Variants in ATP5PO observed in about 807,000 individuals in gnomAD.
The protein encoded by ATP5PO is ATP synthase peripheral stalk subunit OSCP, mitochondrial.
Under a neutral mutation model 26.2 loss-of-function variants are expected in ATP5PO, and 14 were observed. The ratio of observed to expected loss-of-function variants is 0.53; its 90% CI spans 0.35 to 0.83. ATP5PO has a LOEUF of 0.83. Ranked by LOEUF, ATP5PO falls within the 40% of genes least tolerant of loss-of-function variation. The pLI, the probability that ATP5PO is intolerant of heterozygous loss-of-function variation, is 0.01. For missense variants in ATP5PO, 241 were observed against 258.5 expected (o/e 0.93, Z 0.46); for synonymous variants, 106 against 95.1 (o/e 1.12, Z -0.67).
intron 3 of ATP5PO, among the ~76,000 whole-genome samples, 175 bp from the exon 4 acceptor site, chr21:33,909,386 T>A (rs2148606453): frequency 6.6e-6 from 1 of 152,256 alleles, no homozygotes; most frequent in African/African-American, 2.4e-5. Flanking sequence ...TTCAAGCGAT[T>A]ATCCTGCCTC....
rs561846203 is a variant in ATP5PO at position 33,911,839 on chromosome 21, A to AT, written c.198+449dup. ...CTACCACGTCCCGCTAATTTTTTGT[A>AT]TTTTTTAGTAGAGATGGGGTTTCAC... On this transcript the variant is annotated intron_variant, in intron 3 of 6. Transcript: ENST00000290299. Among the ~76,000 whole-genome samples the AT allele has an allele frequency of 4.2e-3, 633 of 151,550 alleles. 5 individuals are homozygous for AT. Among genetic ancestry groups the AT allele is most frequent in the African/African-American group, 0.015 (601 of 41,310 alleles).
chr21:33,906,843 T>G (rs1191937629), intron 5 of ATP5PO: 3 of 447,838 alleles, frequency 6.7e-6, no homozygotes, highest in Non-Finnish European at 9.0e-6. Context: ...ACACAAAAAT[T>G]AGCCGGGTGT....
chr21:33,914,382 G>T, intron 2 of ATP5PO, 68 bp downstream of exon 2: 1 of 1,490,028 alleles, frequency 6.7e-7, no homozygotes, highest in South Asian at 1.2e-5. Flanking sequence ...TCCACGCCCT[G>T]ACTGTACTGC....
At chr21:33,915,560 G>C in intron 1 of ATP5PO, 168 bp downstream of exon 1, 1 of 1,052,756 alleles carries the variant, frequency 9.5e-7, no homozygotes, top group South Asian at 1.6e-5. Flanking sequence ...AGGCATCCCG[G>C]GGGACAAACG....
chr21:33,906,647 G>T (rs936737907), intron 5 of ATP5PO: 2 of 455,932 alleles, frequency 4.4e-6, no homozygotes, highest in Non-Finnish European at 8.8e-6. Flanking sequence ...AAGGCCCAAC[G>T]GCTCTACTCC....
intron 4 of ATP5PO, chr21:33,908,814 C>T (rs143592701): frequency 2.1e-4 from 71 of 333,460 alleles, no homozygotes; most frequent in African/African-American, 1.4e-3. Context: ...TCACACTGGC[C>T]GCCTCCACAG....
Position 33,914,595 on chromosome 21 carries a change from AAT to A in ATP5PO, c.37-97_37-96del, listed in dbSNP as rs1987290178. On this transcript the variant is annotated intron_variant, in intron 1 of 6. Transcript: ENST00000290299. Reference sequence around the variant, plus strand: ...AACAAAAAATTTTAAATAACCTTAAAATCATTACTTTTGTCTCTTTGTATATT... The same window carrying A: ...AACAAAAAATTTTAAATAACCTTAAACATTACTTTTGTCTCTTTGTATATT... The A allele has an allele frequency of 2.7e-5, 31 of 1,166,160 alleles. No homozygotes were observed. In the South Asian group the frequency reaches 4.2e-4, roughly 16 times the overall value. The allele number at this position is 1,166,160 out of a possible 1,614,324, so 72.2% of individuals were successfully genotyped here. A position where few individuals can be genotyped will look rare whatever the true frequency, so the allele number is the denominator to read the frequency against.
At chr21:33,904,615 A>G (rs1987144794) in intron 5 of ATP5PO, among the ~76,000 whole-genome samples, 1 of 152,182 alleles carries the variant, frequency 6.6e-6, no homozygotes, top group Admixed American at 6.5e-5. Context: ...TCAGCTCCAT[A>G]ACCTACTTTA....
intron 5 of ATP5PO, among the ~76,000 whole-genome samples, chr21:33,904,972 C>A (rs1318983000): frequency 6.6e-6 from 1 of 152,090 alleles, no homozygotes; most frequent in Non-Finnish European, 1.5e-5. Context: ...AACTCCTGGC[C>A]TTGAGTGATC....
At chr21:33,914,637 G>A (rs1987290722) in intron 1 of ATP5PO, 137 bp from the exon 2 acceptor site, 3 of 744,032 alleles carry the variant, frequency 4.0e-6, no homozygotes, top group African/African-American at 1.8e-5. Context: ...TATTACATGA[G>A]GGTGAGCTAC....
intron 6 of ATP5PO, 126 bp downstream of exon 6, chr21:33,903,809 A>C (rs1464389600): frequency 1.8e-6 from 2 of 1,114,698 alleles, no homozygotes; most frequent in Non-Finnish European, 2.5e-6. Flanking sequence ...ATTTAAAATA[A>C]ATACAAAATT....
At chr21:33,906,968 G>A in intron 5 of ATP5PO, 1 of 340,790 alleles carries the variant, frequency 2.9e-6, no homozygotes, top group Non-Finnish European at 5.8e-6. Context: ...TAGCCTGGGT[G>A]ACAAAGTGAG....
intron 5 of ATP5PO, among the ~76,000 whole-genome samples, chr21:33,905,405 G>A (rs1987157014): frequency 1.3e-5 from 2 of 152,072 alleles, no homozygotes; most frequent in South Asian, 4.2e-4. Context: ...GGGTGGGTAA[G>A]AAACTCACCT....
At chr21:33,915,368 C>A (rs1987300128) in intron 1 of ATP5PO, 1 of 322,112 alleles carries the variant, frequency 3.1e-6, no homozygotes, top group South Asian at 4.4e-5. Flanking sequence ...AGTAAGTGAT[C>A]TCTGACAGGT....
intron 1 of ATP5PO, chr21:33,914,735 A>G (rs1245385181): frequency 2.0e-6 from 1 of 496,352 alleles, no homozygotes; most frequent in East Asian, 3.4e-5. Flanking sequence ...CTAGTTTGCT[A>G]GGAATGGACC....
intron 2 of ATP5PO, among the ~76,000 whole-genome samples, chr21:33,913,595 T>C (rs1241212883): frequency 6.6e-6 from 1 of 152,228 alleles, no homozygotes; most frequent in Non-Finnish European, 1.5e-5. Flanking sequence ...TCATTTATTA[T>C]GTGTCACTAA....
In ATP5PO at chr21:33,915,715, A is replaced by T; in HGVS notation, c.36+13T>A. 6.4e-7 allele frequency: 1 copy of T among 1,569,704 alleles called. No homozygotes were observed. The highest frequency in any genetic ancestry group is 8.6e-7 in the Non-Finnish European group (1 of 1,157,388). ...GATCCTCCCACTGGCTCTCAGGACC[A>T]CCTTTCTCTCACCTGCCGGGAGAGC... is the stretch of plus-strand genomic sequence containing the variant. On this transcript the variant is annotated intron_variant, in intron 1 of 6. Coordinates refer to ENST00000290299, the MANE Select transcript of ATP5PO (RefSeq NM_001697.3).
chr21:33,911,788 G>A (rs369628514), intron 3 of ATP5PO, among the ~76,000 whole-genome samples: 45 of 146,612 alleles, frequency 3.1e-4, no homozygotes, highest in African/African-American at 1.0e-3. Context: ...CTCAGCCTCC[G>A]GAGTAGCTGG....
At chr21:33,908,167 C>T (rs1439484799) in intron 4 of ATP5PO, among the ~76,000 whole-genome samples, 3 of 72,358 alleles carry the variant, frequency 4.1e-5, no homozygotes, top group Non-Finnish European at 5.2e-5. Context: ...GACACCCAGG[C>T]TCAAAAAAAA....
Sources: gnomAD v4.1 joint callset for allele counts (sites outside exome capture counted in the v4.1 genomes callset) on GRCh38, gnomAD v4.1.1 for gene constraint, MANE v1.5 for transcripts, NCBI Gene and HGNC (gene_info 2026-07-23, HGNC 2026-07-21) for gene names.